The following WWOX variants were observed in gnomAD, a reference collection of about 807,000 sequenced individuals.
WWOX encodes WW domain-containing oxidoreductase.
In WWOX, 69 loss-of-function variants were observed where a neutral mutation model predicts 46.2. That is an observed-to-expected ratio of 1.49 (90% CI 1.23 to 1.82). The LOEUF (loss-of-function observed/expected upper bound fraction) is 1.82. Among genes scored for constraint, WWOX ranks in the 40% most tolerant of loss-of-function variants. The pLI, the probability that WWOX is intolerant of heterozygous loss-of-function variation, is 0.00. For synonymous variants in WWOX, 359 were observed against 202.6 expected (o/e 1.77, Z -6.56); for missense variants, 919 against 542.6 (o/e 1.69, Z -6.89).
chr16:78,570,417 T>G (rs2044686696), intron 8 of WWOX, among the ~76,000 whole-genome samples: 1 of 152,190 alleles, frequency 6.6e-6, no homozygotes, highest in Admixed American at 6.5e-5. Context: ...GAAGCGATCC[T>G]CATGCCTTAG....
At chr16:78,468,398 C>T (rs1476529846) in intron 8 of WWOX, among the ~76,000 whole-genome samples, 1 of 151,716 alleles carries the variant, frequency 6.6e-6, no homozygotes, top group Non-Finnish European at 1.5e-5. Flanking sequence ...GTTGCAACGG[C>T]AAAAAAGAGA....
intron 8 of WWOX, among the ~76,000 whole-genome samples, chr16:78,943,217 C>G (rs907297797): frequency 3.4e-4 from 51 of 152,110 alleles, no homozygotes; most frequent in Admixed American, 9.2e-4. Context: ...CAAATAACCT[C>G]TTCCTTTTTC....
chr16:79,028,025 C>A (rs1316383890), intron 8 of WWOX, among the ~76,000 whole-genome samples: 1 of 151,814 alleles, frequency 6.6e-6, no homozygotes, highest in Non-Finnish European at 1.5e-5. Context: ...AATCTCAGCT[C>A]ACTGCCAGCT....
chr16:78,883,784 A>C (rs980754612), intron 8 of WWOX, among the ~76,000 whole-genome samples: 1 of 152,102 alleles, frequency 6.6e-6, no homozygotes, highest in Non-Finnish European at 1.5e-5. Flanking sequence ...TGAGATGTTG[A>C]CATTAGGGGA....
chr16:79,087,960 G>A (rs1038374592), intron 8 of WWOX, among the ~76,000 whole-genome samples: 1 of 152,102 alleles, frequency 6.6e-6, no homozygotes, highest in Non-Finnish European at 1.5e-5. Flanking sequence ...GTAGTCCAAG[G>A]CTCCACTACC....
At chr16:79,194,207 G>A (rs772357703) in intron 8 of WWOX, among the ~76,000 whole-genome samples, 2 of 152,160 alleles carry the variant, frequency 1.3e-5, no homozygotes, top group Non-Finnish European at 1.5e-5. Context: ...CACCAAAAAC[G>A]ATTTGGAAAG....
chr16:79,051,303 C>T (rs1346809353), intron 8 of WWOX, among the ~76,000 whole-genome samples: 1 of 152,162 alleles, frequency 6.6e-6, no homozygotes, highest in Admixed American at 6.5e-5. Flanking sequence ...CCTACTAAAA[C>T]CTAAGTGTGC....
intron 8 of WWOX, among the ~76,000 whole-genome samples, chr16:78,656,162 T>C (rs754159833): frequency 6.6e-6 from 1 of 152,138 alleles, no homozygotes; most frequent in Non-Finnish European, 1.5e-5. Flanking sequence ...TTGTTTCTCA[T>C]AACATTTGTG....
chr16:78,403,480 A>G (rs949841056), intron 6 of WWOX, among the ~76,000 whole-genome samples: 3 of 152,310 alleles, frequency 2.0e-5, no homozygotes, highest in African/African-American at 4.8e-5. Flanking sequence ...CTTTATGCCT[A>G]CGAAATATAA....
rs113218946 is a variant in WWOX at position 78,280,103 on chromosome 16, G to A, written c.517-106757G>A. ...AGGCAGTTACAGCTAATCATGGCAG[G>A]CTCTACCCAACTGGGGGAACAATTT... is the stretch of plus-strand genomic sequence containing the variant. On this transcript the variant is annotated intron_variant, in intron 5 of 8. Coordinates refer to ENST00000566780, the MANE Select transcript of WWOX (RefSeq NM_016373.4). Among the ~76,000 whole-genome samples, 17 of 152,328 alleles carry A rather than the reference G, an allele frequency of 1.1e-4. 1 individual carries two copies. The highest frequency in any genetic ancestry group is 3.8e-4 in the African/African-American group (16 of 41,574).
At chr16:78,906,357 G>A (rs2044964056) in intron 8 of WWOX, among the ~76,000 whole-genome samples, 1 of 152,160 alleles carries the variant, frequency 6.6e-6, no homozygotes, top group Non-Finnish European at 1.5e-5. Flanking sequence ...GGCTGGAAGT[G>A]CTCTTTGATA....
intron 8 of WWOX, among the ~76,000 whole-genome samples, chr16:78,880,896 C>G (rs991981659): frequency 6.6e-6 from 1 of 151,444 alleles, no homozygotes; most frequent in East Asian, 1.9e-4. Context: ...TCAGGTCAGA[C>G]GTAGGTATAA....
intron 8 of WWOX, among the ~76,000 whole-genome samples, chr16:78,902,535 C>T (rs886922181): frequency 6.6e-6 from 1 of 152,226 alleles, no homozygotes; most frequent in Non-Finnish European, 1.5e-5. Flanking sequence ...AGGCCTTCCC[C>T]CGTGACTGCT....
chr16:79,147,239 C>T (rs1053968731), intron 8 of WWOX, among the ~76,000 whole-genome samples: 3 of 152,182 alleles, frequency 2.0e-5, no homozygotes, highest in Non-Finnish European at 4.4e-5. Context: ...GCAAACCACA[C>T]CCACCTTCCT....
At chr16:79,123,549 A>C (rs1326474172) in intron 8 of WWOX, among the ~76,000 whole-genome samples, 1 of 152,050 alleles carries the variant, frequency 6.6e-6, no homozygotes, top group Non-Finnish European at 1.5e-5. Context: ...TCTTGTCCTT[A>C]TGTAAGGATT....
chr16:78,594,776 A>G (rs1295824366), intron 8 of WWOX, among the ~76,000 whole-genome samples: 1 of 152,120 alleles, frequency 6.6e-6, no homozygotes, highest in Non-Finnish European at 1.5e-5. Flanking sequence ...TATTTTATTT[A>G]GCATTCAGAA....
chr16:78,272,702 T>C (rs1358256493), intron 5 of WWOX, among the ~76,000 whole-genome samples: 6 of 152,214 alleles, frequency 3.9e-5, no homozygotes, highest in Non-Finnish European at 4.4e-5. Context: ...ATGGGAAATG[T>C]TCACAACGTT....
chr16:78,788,310 T>C (rs2142581059), intron 8 of WWOX, among the ~76,000 whole-genome samples: 1 of 151,592 alleles, frequency 6.6e-6, no homozygotes, highest in Non-Finnish European at 1.5e-5. Flanking sequence ...TTGCAGTCTA[T>C]TGTTACAATA....
chr16:78,409,204 AT>A (rs925594045), intron 6 of WWOX, among the ~76,000 whole-genome samples: 40 of 151,874 alleles, frequency 2.6e-4, no homozygotes, highest in Middle Eastern at 3.4e-3. Flanking sequence ...TTTAAAAAAA[AT>A]TTTTTTTTGT....
Sources: gnomAD v4.1 joint callset for allele counts (sites outside exome capture counted in the v4.1 genomes callset) on GRCh38, gnomAD v4.1.1 for gene constraint, MANE v1.5 for transcripts, NCBI Gene and HGNC (gene_info 2026-07-23, HGNC 2026-07-21) for gene names.